Variants in RALYL observed in about 807,000 individuals in gnomAD.
RALYL encodes RNA-binding Raly-like protein.
A neutral mutation model predicts 35.1 loss-of-function variants in RALYL; 29 were observed. The observed-to-expected ratio is 0.83, with a 90% CI of 0.61 to 1.13. The LOEUF is 1.13. Among genes scored for constraint, RALYL ranks in the 50% most tolerant of loss-of-function variants. RALYL has a pLI of 0.00. For missense variants in RALYL, 359 were observed against 360.4 expected (o/e 1.00, Z 0.03); for synonymous variants, 120 against 127.6 (o/e 0.94, Z 0.40).
At chr8:84,447,009 C>T (rs72679331) in intron 1 of RALYL, among the ~76,000 whole-genome samples, 307 of 152,206 alleles carry the variant, frequency 2.0e-3, no homozygotes, top group Non-Finnish European at 3.2e-3. Flanking sequence ...AAATTGCGCA[C>T]TAATTTCAAA....
chr8:84,756,616 AC>A (rs1385127696), intron 2 of RALYL, among the ~76,000 whole-genome samples: 1 of 152,072 alleles, frequency 6.6e-6, no homozygotes, highest in Non-Finnish European at 1.5e-5. Context: ...AATTTATACA[AC>A]GTCACCTGCT....
intron 1 of RALYL, among the ~76,000 whole-genome samples, chr8:84,494,905 A>T (rs997319851): frequency 2.6e-5 from 4 of 152,052 alleles, no homozygotes; most frequent in African/African-American, 9.7e-5. Flanking sequence ...CTCTTGACTG[A>T]TTGCCCTGGC....
At chr8:84,382,281 A>G (rs544027588) in intron 1 of RALYL, among the ~76,000 whole-genome samples, 4 of 151,382 alleles carry the variant, frequency 2.6e-5, no homozygotes, top group African/African-American at 7.2e-5. Context: ...AATGTAACCA[A>G]AATAACTCCT....
chr8:84,847,599 T>C (rs1179352651), intron 4 of RALYL, among the ~76,000 whole-genome samples: 1 of 152,134 alleles, frequency 6.6e-6, no homozygotes, highest in Non-Finnish European at 1.5e-5. Flanking sequence ...GGCTTTAGCA[T>C]CCCTCAACTC....
intron 2 of RALYL, among the ~76,000 whole-genome samples, chr8:84,669,013 A>G (rs1028015283): frequency 2.0e-5 from 3 of 152,000 alleles, no homozygotes; most frequent in African/African-American, 7.3e-5. Flanking sequence ...ATTCATTCGT[A>G]ATCATTTACT....
At chr8:84,251,192 C>T (rs1374993234) in intron 1 of RALYL, among the ~76,000 whole-genome samples, 8 of 151,818 alleles carry the variant, frequency 5.3e-5, no homozygotes, top group South Asian at 4.2e-4. Flanking sequence ...TTAAGAAAAC[C>T]GAAGCAGATA....
chr8:84,657,009 A>T (rs944574285), intron 2 of RALYL, among the ~76,000 whole-genome samples: 3 of 152,160 alleles, frequency 2.0e-5, no homozygotes, highest in African/African-American at 7.2e-5. Context: ...ATATAATGAT[A>T]AAAATTTATT....
chr8:84,258,827 G>A (rs1488025413), intron 1 of RALYL, among the ~76,000 whole-genome samples: 2 of 152,062 alleles, frequency 1.3e-5, no homozygotes, highest in Non-Finnish European at 2.9e-5. Flanking sequence ...CATTGTCTTT[G>A]AAAGTTCAGG....
At chr8:84,782,285 C>G (rs1255509714) in intron 3 of RALYL, among the ~76,000 whole-genome samples, 1 of 152,140 alleles carries the variant, frequency 6.6e-6, no homozygotes, top group Admixed American at 6.5e-5. Flanking sequence ...AGTGGGCTGA[C>G]CCCTTGCTTG....
chr8:84,898,725 G>A (rs1179475306), intron 8 of RALYL, among the ~76,000 whole-genome samples: 1 of 152,178 alleles, frequency 6.6e-6, no homozygotes, highest in African/African-American at 2.4e-5. Context: ...GTTGCCTGAA[G>A]GGTAAGGGTG....
intron 2 of RALYL, among the ~76,000 whole-genome samples, chr8:84,573,421 G>T (rs1253261815): frequency 6.6e-6 from 1 of 151,664 alleles, no homozygotes. Context: ...GAAAACTGTG[G>T]TAATCTTTGC....
intron 1 of RALYL, among the ~76,000 whole-genome samples, chr8:84,356,899 T>TCCA (rs1460529994): frequency 0.025 from 3,664 of 143,718 alleles, 220 homozygotes; most frequent in African/African-American, 0.037. Flanking sequence ...TATAGAATAA[T>TCCA]AGAGTAAATA....
chr8:84,373,235 A>G (rs1286739631), intron 1 of RALYL, among the ~76,000 whole-genome samples: 2 of 151,458 alleles, frequency 1.3e-5, no homozygotes, highest in African/African-American at 4.8e-5. Flanking sequence ...CAAGCTCTTT[A>G]GTCAATTTTT....
At chr8:84,789,673 C>T (rs966376541) in intron 3 of RALYL, among the ~76,000 whole-genome samples, 2 of 152,074 alleles carry the variant, frequency 1.3e-5, no homozygotes, top group Admixed American at 6.6e-5. Flanking sequence ...GCTTGGGCAA[C>T]ATGGTGAAAC....
chr8:84,898,425 G>A (rs533570822), intron 8 of RALYL, among the ~76,000 whole-genome samples: 4 of 152,290 alleles, frequency 2.6e-5, no homozygotes, highest in Admixed American at 6.5e-5. Flanking sequence ...AGTTTCAGAA[G>A]GTGGAGCCCA....
chr8:84,776,213 A>G (rs1176065588), intron 3 of RALYL, among the ~76,000 whole-genome samples: 1 of 152,176 alleles, frequency 6.6e-6, no homozygotes. Context: ...TCTTCTTTTC[A>G]GCCACTTATA....
chr8:84,687,692 G>A (rs2132090751), intron 2 of RALYL, among the ~76,000 whole-genome samples: 1 of 152,094 alleles, frequency 6.6e-6, no homozygotes, highest in African/African-American at 2.4e-5. Flanking sequence ...ATTTTTTAGG[G>A]TTCTATGAAG....
chr8:84,239,435 T>C (rs1254425840), intron 1 of RALYL, among the ~76,000 whole-genome samples: 1 of 152,224 alleles, frequency 6.6e-6, no homozygotes, highest in Admixed American at 6.5e-5. Flanking sequence ...GAGCTGCATG[T>C]GTTTATACAA....
At chr8:84,482,192 T>A (rs1384855058) in intron 1 of RALYL, among the ~76,000 whole-genome samples, 1 of 152,060 alleles carries the variant, frequency 6.6e-6, no homozygotes, top group East Asian at 1.9e-4. Context: ...ACCACATTGT[T>A]GAGAGCAGAG....
Sources: allele counts gnomAD v4.1 joint callset (sites outside exome capture counted in the v4.1 genomes callset), GRCh38; gene constraint gnomAD v4.1.1; transcripts MANE v1.5; gene names NCBI Gene and HGNC (gene_info 2026-07-23, HGNC 2026-07-21).